The following DISC1 variants were observed in gnomAD, a reference collection of about 807,000 sequenced individuals.
The protein encoded by DISC1 is disrupted in schizophrenia 1 protein.
In DISC1, 57 loss-of-function variants were observed where a neutral mutation model predicts 84.5. That is an observed-to-expected ratio of 0.67 (90% CI 0.55 to 0.84). The LOEUF (loss-of-function observed/expected upper bound fraction) is 0.84, where lower values mean the gene tolerates loss of function less well. Among genes scored for constraint, DISC1 ranks in the 40% least tolerant of loss-of-function variants. DISC1 has a pLI of 0.00. For missense variants in DISC1, 1,000 were observed against 1,057.8 expected (o/e 0.95, Z 0.76); for synonymous variants, 411 against 415.2 (o/e 0.99, Z 0.12).
At chr1:231,827,309 T>C (rs2081930099) in intron 9 of DISC1, among the ~76,000 whole-genome samples, 1 of 152,180 alleles carries the variant, frequency 6.6e-6, no homozygotes, top group South Asian at 2.1e-4. Context: ...TTTAAACTAT[T>C]ATATAATTTA....
intron 10 of DISC1, among the ~76,000 whole-genome samples, chr1:231,993,045 G>A (rs1665434175): frequency 6.6e-6 from 1 of 152,216 alleles, no homozygotes; most frequent in Non-Finnish European, 1.5e-5. Flanking sequence ...ATGTGGTTCA[G>A]AGAAAGGACA....
intron 9 of DISC1, among the ~76,000 whole-genome samples, chr1:231,922,960 T>C (rs1222414361): frequency 6.6e-6 from 1 of 151,956 alleles, no homozygotes; most frequent in East Asian, 1.9e-4. Flanking sequence ...CCAAAATGGT[T>C]TTAACATACC....
intron 9 of DISC1, among the ~76,000 whole-genome samples, chr1:231,854,517 A>C (rs201309510): frequency 5.3e-5 from 8 of 152,284 alleles, no homozygotes; most frequent in African/African-American, 1.9e-4. Context: ...AGCTATAACT[A>C]TGAATTCTCA....
chr1:231,873,924 C>T (rs1030294583), intron 9 of DISC1, among the ~76,000 whole-genome samples: 3 of 152,118 alleles, frequency 2.0e-5, no homozygotes, highest in Non-Finnish European at 2.9e-5. Context: ...TCTTGGCTCA[C>T]TGCAACCTCT....
At chr1:231,777,778 T>C (rs1336702341) in intron 6 of DISC1, among the ~76,000 whole-genome samples, 1 of 152,214 alleles carries the variant, frequency 6.6e-6, no homozygotes, top group African/African-American at 2.4e-5. Flanking sequence ...AATTTTAATA[T>C]CTCTGTTATT....
chr1:232,026,798 G>C (rs985722411), intron 12 of DISC1, among the ~76,000 whole-genome samples: 6 of 140,816 alleles, frequency 4.3e-5, no homozygotes, highest in Middle Eastern at 3.9e-3. Flanking sequence ...GCCTTGGCTG[G>C]AGTGCAATGG....
At chr1:231,900,573 C>A (rs922120257) in intron 9 of DISC1, among the ~76,000 whole-genome samples, 10 of 152,076 alleles carry the variant, frequency 6.6e-5, no homozygotes, top group African/African-American at 1.9e-4. Flanking sequence ...GTTTGTGAAC[C>A]GTTATATTCG....
In DISC1 at chr1:231,626,859, G is replaced by A; in HGVS notation, c.-9G>A. Reference sequence around the variant, plus strand: ...CCAGGCGGAGCGGGAGGAGCTGGCAGCGGGGCGCATGCCAGGCGGGGGTCC... The same window carrying A: ...CCAGGCGGAGCGGGAGGAGCTGGCAACGGGGCGCATGCCAGGCGGGGGTCC... On this transcript the variant is annotated 5_prime_UTR_variant, in exon 1 of 13. Transcript: ENST00000439617. 1 of 1,448,864 alleles carries A rather than the reference G, an allele frequency of 6.9e-7. No individual in the cohort carries two copies. Among genetic ancestry groups the A allele is most frequent in the Non-Finnish European group, 9.0e-7 (1 of 1,112,938 alleles). The allele number at this position is 1,448,864 out of a possible 1,614,324, so 89.8% of individuals were successfully genotyped here.
Position 231,818,498 on chromosome 1 carries a change from G to T in DISC1, c.1962G>T (p.Glu654Asp), listed in dbSNP as rs780290940. The change falls in exon 9 of 13, where the codon GAG (glutamate) becomes GAT (aspartate). Residue 654 changes from glutamate (E) to aspartate (D), a missense_variant. By Grantham distance (45) the Glu-to-Asp change is conservative. Transcript: ENST00000439617. ...EDYNRLRREV[E>D]HQETAYETSV... ...ACAACAGACTGAGAAGAGAAGTGGA[G>T]CACCAGGAGACTGCCTATGGTAGGT... The T allele has an allele frequency of 3.7e-6, 6 of 1,614,030 alleles. No homozygotes were observed. The highest frequency in any genetic ancestry group is 5.1e-6 in the Non-Finnish European group (6 of 1,180,002).
intron 9 of DISC1, among the ~76,000 whole-genome samples, chr1:231,955,681 G>A (rs1046130539): frequency 2.6e-5 from 4 of 151,796 alleles, no homozygotes; most frequent in Admixed American, 2.0e-4. Context: ...GTAGAGACGG[G>A]GTTTCACCAT....
chr1:231,890,832 T>C (rs1172691756), intron 9 of DISC1, among the ~76,000 whole-genome samples: 1 of 152,254 alleles, frequency 6.6e-6, no homozygotes, highest in Admixed American at 6.5e-5. Context: ...CTCCTGAGAA[T>C]GTGTTCTGTC....
chr1:231,762,148 T>G (rs1198880083), intron 4 of DISC1, among the ~76,000 whole-genome samples: 1 of 145,442 alleles, frequency 6.9e-6, no homozygotes, highest in Non-Finnish European at 1.5e-5. Flanking sequence ...TTTCTTTCCT[T>G]CTTTCTTTTT....
At chr1:231,719,938 G>A (rs928640391) in intron 3 of DISC1, among the ~76,000 whole-genome samples, 1 of 152,186 alleles carries the variant, frequency 6.6e-6, no homozygotes, top group Non-Finnish European at 1.5e-5. Flanking sequence ...TGATGACAGC[G>A]ATGTAGCAGA....
chr1:231,831,408 T>C (rs1574134208), intron 9 of DISC1, among the ~76,000 whole-genome samples: 1 of 152,234 alleles, frequency 6.6e-6, no homozygotes, highest in East Asian at 1.9e-4. Flanking sequence ...GGAGATATTT[T>C]CCTTGGTCTA....
rs1659027310 is a variant in DISC1, at chr1:231,954,373, T to C, written c.1982-4455T>C. Among the ~76,000 whole-genome samples the C allele has an allele frequency of 6.6e-6, 1 of 152,238 alleles. No homozygotes were observed. The highest frequency in any genetic ancestry group is 2.4e-5 in the African/African-American group (1 of 41,468). On this transcript the variant is annotated intron_variant, in intron 9 of 12. Coordinates refer to ENST00000439617, the MANE Select transcript of DISC1 (RefSeq NM_018662.3). The surrounding 1 kb of genome is among the most constrained non-coding windows in gnomAD (Gnocchi z 4.8). ...ATGCACTCTACTGTTTTCACTGATT[T>C]ATGGCATTTAATTATCAATCTGTTA...
intron 9 of DISC1, among the ~76,000 whole-genome samples, chr1:231,872,502 A>G (rs780464141): frequency 6.6e-6 from 1 of 152,190 alleles, no homozygotes; most frequent in Non-Finnish European, 1.5e-5. Flanking sequence ...GAGATGATTC[A>G]GCTTTAAAGT....
At chr1:231,901,415 A>G (rs994198104) in intron 9 of DISC1, among the ~76,000 whole-genome samples, 1 of 152,240 alleles carries the variant, frequency 6.6e-6, no homozygotes, top group Non-Finnish European at 1.5e-5. Flanking sequence ...AGCATGGTGC[A>G]TGGCAAATGC....
Position 232,005,878 on chromosome 1 carries a change from A to AGC in DISC1, c.2043-2906_2043-2905dup, listed in dbSNP as rs540797142. ...GAAGATAGGTCTGTAGAAAATATCTAGCATGAAGCTGTCTGGATGGGAGAA... is the reference window on the plus strand; with the variant it reads ...GAAGATAGGTCTGTAGAAAATATCTAGCGCATGAAGCTGTCTGGATGGGAGAA... On this transcript the variant is annotated intron_variant, in intron 10 of 12. Transcript: ENST00000439617. 4.2e-3 allele frequency among the ~76,000 whole-genome samples: 646 copies of AGC among 152,342 alleles called. 3 individuals are homozygous for AGC. The highest frequency in any genetic ancestry group is 0.015 in the African/African-American group (617 of 41,584).
chr1:232,006,962 C>T (rs915298073), intron 10 of DISC1, among the ~76,000 whole-genome samples: 4 of 152,174 alleles, frequency 2.6e-5, no homozygotes, highest in African/African-American at 4.8e-5. Flanking sequence ...GGCCAACGTA[C>T]AGCTCAGCCT....
Sources: gnomAD v4.1 joint callset for allele counts (sites outside exome capture counted in the v4.1 genomes callset) on GRCh38, gnomAD v4.1.1 for gene constraint, Gnocchi (gnomAD v3.1) non-coding constraint, MANE v1.5 for transcripts, NCBI Gene and HGNC (gene_info 2026-07-23, HGNC 2026-07-21) for gene names.